Variants in CLIP1 observed in about 807,000 individuals in gnomAD.
The protein encoded by CLIP1 is CAP-Gly domain containing linker protein 1, also known as CAP-Gly domain-containing linker protein 1.
In CLIP1, 66 loss-of-function variants were observed where a neutral mutation model predicts 161.6. That is an observed-to-expected ratio of 0.41 (90% CI 0.33 to 0.50). The LOEUF is 0.50. Among genes scored for constraint, CLIP1 ranks in the 20% least tolerant of loss-of-function variants. The pLI is 0.27. For synonymous variants in CLIP1, 598 were observed against 626.2 expected (o/e 0.96, Z 0.67); for missense variants, 1,376 against 1,702.0 (o/e 0.81, Z 3.37).
intron 6 of CLIP1, chr12:122,354,768 C>G: frequency 1.7e-6 from 1 of 579,312 alleles, no homozygotes; most frequent in African/African-American, 1.9e-5. Context: ...TAAAACACCT[C>G]TCATCTTTTT....
chr12:122,374,401 A>G (rs1162817367), intron 3 of CLIP1, among the ~76,000 whole-genome samples: 1 of 151,618 alleles, frequency 6.6e-6, no homozygotes, highest in Non-Finnish European at 1.5e-5. Context: ...CAGGCAGATC[A>G]CGAGGTCAAG....
At chr12:122,390,177 A>ATAT (rs970413258) in intron 1 of CLIP1, among the ~76,000 whole-genome samples, 10 of 100,924 alleles carry the variant, frequency 9.9e-5, no homozygotes, top group Non-Finnish European at 1.5e-4. Context: ...TCTCAGATAT[A>ATAT]TATATATATA....
intron 20 of CLIP1, among the ~76,000 whole-genome samples, chr12:122,305,072 G>A (rs988820334): frequency 2.0e-5 from 3 of 152,090 alleles, no homozygotes; most frequent in Non-Finnish European, 2.9e-5. Context: ...ATCCCTGTCC[G>A]GTTTCCATAA....
chr12:122,399,942 C>T (rs993207265), intron 1 of CLIP1: 1 of 152,166 alleles, frequency 6.6e-6, no homozygotes, highest in African/African-American at 2.4e-5. Flanking sequence ...TCAAGTCAAA[C>T]TTGAGAGAGA....
chr12:122,370,851 G>A (rs978565873), intron 3 of CLIP1, among the ~76,000 whole-genome samples: 11 of 151,802 alleles, frequency 7.2e-5, no homozygotes, highest in Admixed American at 4.6e-4. Flanking sequence ...CCAGCTACAT[G>A]GGAGGCTGGG....
intron 15 of CLIP1, among the ~76,000 whole-genome samples, chr12:122,332,698 G>C (rs1055351541): frequency 9.2e-5 from 14 of 152,146 alleles, no homozygotes; most frequent in Non-Finnish European, 1.9e-4. Flanking sequence ...TGGGATTACA[G>C]GCATGAGCCA....
At chr12:122,371,671 G>A (rs932847359) in intron 3 of CLIP1, among the ~76,000 whole-genome samples, 2 of 152,144 alleles carry the variant, frequency 1.3e-5, no homozygotes, top group African/African-American at 2.4e-5. Flanking sequence ...CAGGGCACAG[G>A]GCACAGGACA....
intron 1 of CLIP1, among the ~76,000 whole-genome samples, chr12:122,415,359 G>C (rs1490775669): frequency 6.6e-6 from 1 of 150,560 alleles, no homozygotes; most frequent in South Asian, 2.1e-4. Flanking sequence ...GCGGGCGCCT[G>C]TAGTCCCAGC....
intron 10 of CLIP1, chr12:122,343,466 T>C (rs578032529): frequency 1.3e-5 from 2 of 152,296 alleles, no homozygotes; most frequent in South Asian, 4.1e-4. Flanking sequence ...AAAGTAAGAA[T>C]GATTACTTAC....
Position 122,271,805 on chromosome 12 carries a change from C to T in CLIP1, c.*1070G>A, listed in dbSNP as rs1214130598. On this transcript the variant is annotated 3_prime_UTR_variant, in exon 26 of 26. Transcript: ENST00000620786. ...TGATAAGAAAATCCAGAATTATTAA[C>T]GTTGAATTTCTCATCGTACATTCAT... 1 of 152,504 alleles carries T rather than the reference C, an allele frequency of 6.6e-6. No homozygotes were observed. Among genetic ancestry groups the T allele is most frequent in the African/African-American group, 2.4e-5 (1 of 41,394 alleles). 9.4% of individuals were successfully genotyped at this position (152,504 alleles called of 1,614,324 possible).
In CLIP1 at chr12:122,363,999, C is replaced by T. The variant is rs1200045691; in HGVS notation, c.766G>A (p.Ala256Thr). Residue 256 changes from alanine to threonine, a missense_variant, in exon 4 of 26, where the codon GCT becomes ACT. Ala to Thr is a moderately conservative substitution (Grantham distance 58). Coordinates refer to ENST00000620786, the MANE Select transcript of CLIP1 (RefSeq NM_001247997.2). Reference protein sequence around the residue: ...LDEPLGKNDGAVAGTRYFQCQ... With the variant: ...LDEPLGKNDGTVAGTRYFQCQ... ...CAAACAAACCTTGTTCCAGCAACAG[C>T]GCCATCATTCTTCCCAAGTGGCTCA... The T allele has an allele frequency of 6.2e-7, 1 of 1,614,086 alleles. No individual in the cohort carries two copies. The highest frequency in any genetic ancestry group is 8.5e-7 in the Non-Finnish European group (1 of 1,180,002).
intron 1 of CLIP1, among the ~76,000 whole-genome samples, chr12:122,419,092 T>TG: frequency 6.6e-6 from 1 of 152,272 alleles, no homozygotes; most frequent in East Asian, 1.9e-4. Flanking sequence ...AAGAAACAGA[T>TG]GGGCACGGTG....
In CLIP1 at chr12:122,355,446, G is replaced by A. The variant is rs1223562506; in HGVS notation, c.1006-134C>T. ...CAGCTGGCAGGCTGGCCAGGATTAG[G>A]AAAGGCTTCCTCAAAAACACAAGAC... On this transcript the variant is annotated intron_variant, in intron 5 of 25. Transcript: ENST00000620786. The surrounding 1 kb of genome is among the most constrained non-coding windows in gnomAD (Gnocchi z 4.1). 6 of 697,232 alleles carry A rather than the reference G, an allele frequency of 8.6e-6. No homozygotes were observed. The highest frequency in any genetic ancestry group is 2.4e-6 in the Non-Finnish European group (1 of 410,152). 43.2% of individuals were successfully genotyped at this position (697,232 alleles called of 1,614,324 possible).
At chr12:122,392,620 C>T (rs1054481874) in intron 1 of CLIP1, among the ~76,000 whole-genome samples, 23 of 152,050 alleles carry the variant, frequency 1.5e-4, no homozygotes, top group Admixed American at 5.9e-4. Flanking sequence ...CATGGCAAGC[C>T]GGCTCGAGAA....
chr12:122,313,928 G>T (rs551872936), intron 19 of CLIP1, among the ~76,000 whole-genome samples: 132 of 151,608 alleles, frequency 8.7e-4, no homozygotes, highest in African/African-American at 3.1e-3. Flanking sequence ...AGGTCAAGGC[G>T]GGCAGATCAT....
chr12:122,397,676 G>A (rs780973720), intron 1 of CLIP1, among the ~76,000 whole-genome samples: 2 of 150,312 alleles, frequency 1.3e-5, no homozygotes, highest in Admixed American at 6.7e-5. Context: ...TCAACTTATC[G>A]GCCACGCATG....
rs1254853187 is a variant in CLIP1 at position 122,288,806 on chromosome 12, A to AT, written c.3595-266dup. Among the ~76,000 whole-genome samples, 9 of 133,054 alleles carry AT rather than the reference A, an allele frequency of 6.8e-5. No individual in the cohort carries two copies. In the South Asian group the frequency reaches 1.8e-3, roughly 27 times the overall value. 87.3% of individuals were successfully genotyped at this position (133,054 alleles called of 152,430 possible). ...TCACACCTTGAACACAACGAAGCAC[A>AT]TCTTTTTTTTTTTTTTTTTTTTTTT... On this transcript the variant is annotated intron_variant, in intron 20 of 25. Transcript: ENST00000620786.
intron 20 of CLIP1, among the ~76,000 whole-genome samples, chr12:122,296,918 G>T (rs1470614129): frequency 1.3e-5 from 2 of 151,646 alleles, no homozygotes; most frequent in Non-Finnish European, 2.9e-5. Context: ...GGATGAATGG[G>T]AGTACAGCGT....
At chr12:122,390,460 C>T (rs959655785) in intron 1 of CLIP1, among the ~76,000 whole-genome samples, 3 of 151,142 alleles carry the variant, frequency 2.0e-5, no homozygotes, top group South Asian at 2.1e-4. Context: ...TACAGGTATG[C>T]GCCACCACGC....
Sources: allele counts gnomAD v4.1 joint callset (sites outside exome capture counted in the v4.1 genomes callset), GRCh38; gene constraint gnomAD v4.1.1; non-coding constraint Gnocchi (gnomAD v3.1); transcripts MANE v1.5; gene names NCBI Gene and HGNC (gene_info 2026-07-23, HGNC 2026-07-21).